PLD1: variants seen among roughly 807,000 people sequenced by gnomAD.
PLD1 encodes phospholipase D1.
Under a neutral mutation model 137.1 loss-of-function variants are expected in PLD1, and 112 were observed. The ratio of observed to expected loss-of-function variants is 0.82; its 90% CI spans 0.70 to 0.96. The LOEUF is 0.96. PLD1 is among the 40% of genes least tolerant of loss of function. The probability of loss-of-function intolerance (pLI) is 0.00; values close to 1 mark genes in which losing one functional copy is unlikely to be tolerated. For missense variants in PLD1, 1,321 were observed against 1,342.0 expected, an observed-to-expected ratio of 0.98 and a Z score of 0.24; for synonymous variants, 431 against 454.7, an observed-to-expected ratio of 0.95 and a Z score of 0.66.
intron 9 of PLD1, among the ~76,000 whole-genome samples, chr3:171,710,167 A>T (rs1344363266): frequency 6.6e-6 from 1 of 152,014 alleles, no homozygotes; most frequent in Admixed American, 6.5e-5. Context: ...GGTTCACGCC[A>T]TTCTCCTGCC....
chr3:171,758,441 A>G (rs73176173), intron 1 of PLD1, among the ~76,000 whole-genome samples: 5 of 152,276 alleles, frequency 3.3e-5, no homozygotes, highest in African/African-American at 7.2e-5. Context: ...TTTCCCCACC[A>G]TCTGTCTCTC....
intron 21 of PLD1, among the ~76,000 whole-genome samples, chr3:171,650,856 G>C (rs140921979): frequency 1.0e-3 from 157 of 152,056 alleles, no homozygotes; most frequent in African/African-American, 3.5e-3. Flanking sequence ...CCAAAATCGC[G>C]GCACTGCACT....
intron 13 of PLD1, among the ~76,000 whole-genome samples, chr3:171,691,075 G>A (rs1445142357): frequency 6.6e-6 from 1 of 151,942 alleles, no homozygotes; most frequent in Non-Finnish European, 1.5e-5. Flanking sequence ...TTTGTCTCTT[G>A]TAAGCATGTT....
At chr3:171,741,112 A>G (rs940306133) in intron 1 of PLD1, among the ~76,000 whole-genome samples, 6 of 152,208 alleles carry the variant, frequency 3.9e-5, no homozygotes, top group African/African-American at 2.4e-5. Context: ...AGTCACCTCA[A>G]TTATGAAAAC....
chr3:171,652,239 C>T (rs1445090600), intron 21 of PLD1, among the ~76,000 whole-genome samples: 5 of 152,002 alleles, frequency 3.3e-5, no homozygotes, highest in Non-Finnish European at 2.9e-5. Flanking sequence ...CAGTGAAACC[C>T]CGTCTCTACT....
intron 23 of PLD1, among the ~76,000 whole-genome samples, chr3:171,633,713 A>G (rs1381449851): frequency 6.6e-6 from 1 of 152,234 alleles, no homozygotes; most frequent in East Asian, 1.9e-4. Flanking sequence ...AAGAATTGTT[A>G]CAGGCTTTCG....
At chr3:171,716,923 T>C (rs1717726348) in intron 8 of PLD1, among the ~76,000 whole-genome samples, 2 of 152,210 alleles carry the variant, frequency 1.3e-5, no homozygotes, top group East Asian at 1.9e-4. Flanking sequence ...CTTCTGCACA[T>C]GGCTAGCCAG....
chr3:171,634,409 G>A (rs752879296), intron 23 of PLD1, among the ~76,000 whole-genome samples: 9 of 151,970 alleles, frequency 5.9e-5, no homozygotes, highest in Non-Finnish European at 1.0e-4. Context: ...TGATTTTCCC[G>A]ATTTTATTTT....
At chr3:171,721,205 A>T (rs1718101189) in intron 8 of PLD1, 1 of 152,208 alleles carries the variant, frequency 6.6e-6, no homozygotes, top group Non-Finnish European at 1.5e-5. Flanking sequence ...CCTTGAGTAG[A>T]CGCCTTAGGT....
chr3:171,771,450 T>G (rs1176786662), intron 1 of PLD1: 2 of 152,226 alleles, frequency 1.3e-5, no homozygotes, highest in Non-Finnish European at 2.9e-5. Context: ...ACTCCCCATA[T>G]GTTAAAGAGA....
At chr3:171,741,370 T>G (rs1287963367) in intron 1 of PLD1, among the ~76,000 whole-genome samples, 1 of 152,206 alleles carries the variant, frequency 6.6e-6, no homozygotes, top group Non-Finnish European at 1.5e-5. Flanking sequence ...GTTTCATTCT[T>G]GAATATCAAG....
intron 11 of PLD1, among the ~76,000 whole-genome samples, chr3:171,706,942 T>G (rs1202768333): frequency 6.6e-6 from 1 of 152,172 alleles, no homozygotes; most frequent in Non-Finnish European, 1.5e-5. Flanking sequence ...GTAGACTGGA[T>G]GAAGAAAATG....
intron 24 of PLD1, among the ~76,000 whole-genome samples, chr3:171,619,443 T>C (rs550946112): frequency 6.0e-4 from 91 of 152,322 alleles, no homozygotes; most frequent in African/African-American, 2.0e-3. Flanking sequence ...GTCTCCTGTG[T>C]ATCCTTGACA....
intron 22 of PLD1, 141 bp from the exon 23 acceptor site, chr3:171,643,030 TA>T: frequency 1.7e-6 from 1 of 580,528 alleles, no homozygotes; most frequent in Non-Finnish European, 3.0e-6. Context: ...ATCTAAATGC[TA>T]AAAACAGTTA....
At chr3:171,728,233 T>C (rs1004284170) in intron 6 of PLD1, among the ~76,000 whole-genome samples, 5 of 152,164 alleles carry the variant, frequency 3.3e-5, no homozygotes, top group Non-Finnish European at 5.9e-5. Flanking sequence ...GGAGAATCAC[T>C]TGAACCCGGG....
intron 1 of PLD1, among the ~76,000 whole-genome samples, chr3:171,751,315 G>A (rs1720641449): frequency 6.6e-6 from 1 of 152,096 alleles, no homozygotes; most frequent in African/African-American, 2.4e-5. Flanking sequence ...TAAAGGAAAA[G>A]CTATAAATTC....
At chr3:171,724,833 T>G (rs764686866) in intron 7 of PLD1, 45 bp from the exon 8 acceptor site, 4 of 1,191,428 alleles carry the variant, frequency 3.4e-6, no homozygotes, top group African/African-American at 1.5e-5. Flanking sequence ...AATTTCCCAC[T>G]CCCACTTAGC....
In PLD1 at chr3:171,616,279, G is replaced by A. The variant is rs144235555; in HGVS notation, c.2729-3847C>T. ...TATTCTCTTTACAGTACCTTTTAAT[G>A]AAGAAATTTCTGAATTTTAATGCAG... On this transcript the variant is annotated intron_variant, in intron 24 of 26. Transcript: ENST00000351298. Among the ~76,000 whole-genome samples the A allele has an allele frequency of 4.3e-3, 651 of 152,166 alleles. 7 individuals are homozygous for A. The highest frequency in any genetic ancestry group is 0.015 in the African/African-American group (629 of 41,506).
chr3:171,792,667 CAGAG>C (rs1245311494), intron 1 of PLD1: 1 of 456,580 alleles, frequency 2.2e-6, no homozygotes, highest in Non-Finnish European at 4.4e-6. Flanking sequence ...CTGTGAGTCA[CAGAG>C]AAACACAGTA....
Sources: allele counts gnomAD v4.1 joint callset (sites outside exome capture counted in the v4.1 genomes callset), GRCh38; gene constraint gnomAD v4.1.1; transcripts MANE v1.5; gene names NCBI Gene and HGNC (gene_info 2026-07-23, HGNC 2026-07-21).